Variants in NBAS observed in about 807,000 individuals in gnomAD.
The protein encoded by NBAS is NAG/BC035112 fusion.
NBAS carries 219 observed loss-of-function variants against 302.5 expected under a neutral mutation model. The observed-to-expected ratio is 0.72, with a 90% CI of 0.65 to 0.81. The LOEUF (loss-of-function observed/expected upper bound fraction) is 0.81. NBAS is among the 30% of genes least tolerant of loss of function. The pLI, the probability that NBAS is intolerant of heterozygous loss-of-function variation, is 0.00. For missense variants in NBAS, 2,932 were observed against 2,841.6 expected (o/e 1.03, Z -0.72); for synonymous variants, 1,118 against 1,021.6 (o/e 1.09, Z -1.80).
Position 15,511,268 on chromosome 2 carries a change from G to T in NBAS, c.829C>A (p.Leu277Ile), listed in dbSNP as rs1662129513. The T allele has an allele frequency of 6.2e-7, 1 of 1,614,040 alleles. No individual in the cohort carries two copies. The highest frequency in any genetic ancestry group is 8.5e-7 in the Non-Finnish European group (1 of 1,179,982). The change falls in exon 10 of 52, where the codon CTT becomes ATT. Residue 277 changes from leucine to isoleucine, a missense_variant. Physicochemically the swap from Leu to Ile is conservative, Grantham distance 5. Coordinates refer to ENST00000281513, the MANE Select transcript of NBAS (RefSeq NM_015909.4). ...TGCTTATAATACGGTGATCCTGAAA[G>T]AACTCTCCAGGCAGAAAGGCCACAG... The part of the protein sequence containing the change: ...SSCGLSAWRV[L>I]SGSPYYKQVT...
At chr2:14,802,455 G>A in the NBAS span, among the ~76,000 whole-genome samples, 50 of 151,740 alleles carry the variant, frequency 3.3e-4, no homozygotes, top group African/African-American at 1.2e-3. Flanking sequence ...GTCAGGTAGT[G>A]TGATGCCTCC....
At chr2:15,237,519 T>G (rs1006622774) in intron 45 of NBAS, among the ~76,000 whole-genome samples, 2 of 151,872 alleles carry the variant, frequency 1.3e-5, no homozygotes, top group Non-Finnish European at 2.9e-5. Context: ...AGGCTATTTC[T>G]GATTTTTTTT....
the NBAS span, among the ~76,000 whole-genome samples, chr2:14,833,628 C>T: frequency 0.032 from 4,842 of 152,024 alleles, 238 homozygotes; most frequent in African/African-American, 0.11. Flanking sequence ...ATACTGTCTC[C>T]TTATTCCTTA....
At chr2:15,218,631 G>A (rs1004543021) in intron 48 of NBAS, 142 bp downstream of exon 48, 2 of 1,017,740 alleles carry the variant, frequency 2.0e-6, no homozygotes, top group Non-Finnish European at 3.1e-6. Flanking sequence ...ATGTTGGCCA[G>A]GTGCCAGGCT....
chr2:15,467,264 C>T (rs929398724), intron 19 of NBAS, 65 bp downstream of exon 19: 2 of 1,137,836 alleles, frequency 1.8e-6, no homozygotes, highest in African/African-American at 1.5e-5. Flanking sequence ...GATATTAGGG[C>T]AGCCATAGCA....
chr2:15,127,366 A>C, the NBAS span, among the ~76,000 whole-genome samples: 36 of 152,358 alleles, frequency 2.4e-4, no homozygotes, highest in African/African-American at 8.2e-4. Context: ...TAATGATTTA[A>C]CAGCACACTC....
chr2:14,858,910 C>T, the NBAS span, among the ~76,000 whole-genome samples: 2 of 151,956 alleles, frequency 1.3e-5, no homozygotes, highest in African/African-American at 4.8e-5. Context: ...CATTGCATAC[C>T]TATATCGAAA....
intron 25 of NBAS, among the ~76,000 whole-genome samples, chr2:15,404,706 T>C (rs1477012151): frequency 2.0e-5 from 3 of 151,946 alleles, no homozygotes; most frequent in Non-Finnish European, 4.4e-5. Flanking sequence ...AGAGATGGAC[T>C]TTCACCATGT....
chr2:14,840,583 T>A, the NBAS span, among the ~76,000 whole-genome samples: 25 of 151,930 alleles, frequency 1.6e-4, no homozygotes, highest in Non-Finnish European at 3.1e-4. Flanking sequence ...GCAACAGATT[T>A]CTCCAAGGAA....
intron 45 of NBAS, among the ~76,000 whole-genome samples, chr2:15,238,007 C>A (rs1321758816): frequency 2.0e-5 from 3 of 152,092 alleles, no homozygotes; most frequent in Non-Finnish European, 2.9e-5. Context: ...GAACTCCTGA[C>A]CTTGTGATCT....
intron 21 of NBAS, among the ~76,000 whole-genome samples, chr2:15,441,006 T>G (rs1020743533): frequency 6.6e-6 from 1 of 152,020 alleles, no homozygotes; most frequent in African/African-American, 2.4e-5. Flanking sequence ...TGGGACTATG[T>G]GAAAAGACCA....
chr2:14,936,653 T>TTGTCAAGGGCA, the NBAS span, among the ~76,000 whole-genome samples: 1 of 152,210 alleles, frequency 6.6e-6, no homozygotes, highest in Admixed American at 6.5e-5. Flanking sequence ...ATGCTCTTTT[T>TTGTCAAGGGCA]TGTCTCTCAT....
chr2:14,855,885 C>T, the NBAS span, among the ~76,000 whole-genome samples: 1 of 152,336 alleles, frequency 6.6e-6, no homozygotes, highest in South Asian at 2.1e-4. Context: ...GCTGGCTTTG[C>T]CACCTGCTGA....
At chr2:14,920,542 T>C in the NBAS span, among the ~76,000 whole-genome samples, 1 of 152,208 alleles carries the variant, frequency 6.6e-6, no homozygotes, top group Non-Finnish European at 1.5e-5. Context: ...GATAGTATCA[T>C]TTCCTAATAT....
the NBAS span, among the ~76,000 whole-genome samples, chr2:14,938,153 T>C: frequency 1.3e-5 from 2 of 151,968 alleles, no homozygotes; most frequent in Non-Finnish European, 2.9e-5. Context: ...AAAAAAATAA[T>C]TTAATGGGTT....
At chr2:14,957,387 G>T in the NBAS span, among the ~76,000 whole-genome samples, 2 of 151,604 alleles carry the variant, frequency 1.3e-5, no homozygotes, top group African/African-American at 2.4e-5. Context: ...CTTTTCAAAA[G>T]TTCTCAGGAA....
the NBAS span, among the ~76,000 whole-genome samples, chr2:14,970,960 T>C: frequency 6.6e-6 from 1 of 152,156 alleles, no homozygotes; most frequent in Non-Finnish European, 1.5e-5. Flanking sequence ...TATTAACTGG[T>C]ACAGAATTCT....
At chr2:15,507,733 T>C (rs1661940108) in intron 10 of NBAS, among the ~76,000 whole-genome samples, 1 of 152,238 alleles carries the variant, frequency 6.6e-6, no homozygotes, top group African/African-American at 2.4e-5. Flanking sequence ...GTTCTTCCCA[T>C]ATGCAGCGAA....
At chr2:14,849,990 A>C in the NBAS span, among the ~76,000 whole-genome samples, 2 of 139,644 alleles carry the variant, frequency 1.4e-5, 1 homozygote, top group African/African-American at 6.4e-5. Context: ...CAAAATGTAG[A>C]CAATCGAGAC....
Sources: gnomAD v4.1 joint callset for allele counts (sites outside exome capture counted in the v4.1 genomes callset) on GRCh38, gnomAD v4.1.1 for gene constraint, MANE v1.5 for transcripts, NCBI Gene and HGNC (gene_info 2026-07-23, HGNC 2026-07-21) for gene names.